Variants in XPC observed in about 807,000 individuals in gnomAD.
The protein encoded by XPC is XPC complex subunit, DNA damage recognition and repair factor.
Under a neutral mutation model 95.8 loss-of-function variants are expected in XPC, and 76 were observed. The observed-to-expected ratio is 0.79, with a 90% CI of 0.66 to 0.96. The LOEUF is 0.96. XPC is among the 40% of genes least tolerant of loss of function. The pLI, the probability that XPC is intolerant of heterozygous loss-of-function variation, is 0.00. For missense variants in XPC, 1,146 were observed against 1,179.8 expected, an observed-to-expected ratio of 0.97 and a Z score of 0.42; for synonymous variants, 442 against 442.1, an observed-to-expected ratio of 1.00 and a Z score of 0.00.
intron 10 of XPC, 130 bp downstream of exon 10, chr3:14,156,205 C>G: frequency 8.4e-7 from 1 of 1,192,100 alleles, no homozygotes; most frequent in Admixed American, 2.5e-5. Context: ...ACACAGCACA[C>G]GCACACTGGC....
intron 9 of XPC, 73 bp downstream of exon 9, chr3:14,157,938 T>A (rs1695985255): frequency 5.3e-6 from 8 of 1,519,834 alleles, no homozygotes; most frequent in Non-Finnish European, 4.4e-6. Flanking sequence ...TGGGCATATA[T>A]AAGGTGCTCA....
In XPC at chr3:14,170,551, C is replaced by G; in HGVS notation, c.300-1G>C. On this transcript the variant is annotated splice_acceptor_variant, in intron 2 of 15. Transcript: ENST00000285021. LOFTEE classifies it high-confidence loss of function. Reference sequence around the variant, plus strand: ...CTTCTTGAGGTCACTTGGAAAGTCCCTGTGTAAAGACCACAGGAAGGAAGA... The same window carrying G: ...CTTCTTGAGGTCACTTGGAAAGTCCGTGTGTAAAGACCACAGGAAGGAAGA... The G allele has an allele frequency of 6.2e-7, 1 of 1,607,774 alleles. No homozygotes were observed. Among genetic ancestry groups the G allele is most frequent in the Non-Finnish European group, 8.5e-7 (1 of 1,176,098 alleles).
chr3:14,158,047 G>A lies in XPC; in HGVS notation c.1836C>T (p.Ser612=), dbSNP rs1244083913. ...WWAETLRPYQ[S]PFMDREKKED... is the part of the protein sequence containing the mutation. Reference sequence around the variant, plus strand: ...CTTTCTTCTCCCTGTCCATAAATGGGCTCTGGTATGGTCTCAAGGTCTCGG... The same window carrying A: ...CTTTCTTCTCCCTGTCCATAAATGGACTCTGGTATGGTCTCAAGGTCTCGG... Residue 612 remains serine (S), a synonymous_variant, in exon 9 of 16, where the codon AGC becomes AGT. Coordinates refer to ENST00000285021, the MANE Select transcript of XPC (RefSeq NM_004628.5). This position sits in a 1 kb window ranked among gnomAD's most constrained non-coding sequence, Gnocchi z 5.2. The A allele has an allele frequency of 5.6e-6, 9 of 1,607,926 alleles. No individual in the cohort carries two copies. The highest frequency in any genetic ancestry group is 3.3e-5 in the Admixed American group (2 of 59,896).
At chr3:14,171,066 C>T (rs554805509) in intron 2 of XPC, among the ~76,000 whole-genome samples, 2 of 152,138 alleles carry the variant, frequency 1.3e-5, no homozygotes, top group Non-Finnish European at 1.5e-5. Context: ...TCATAAATAA[C>T]AAGAGACATA....
chr3:14,165,255 G>A (rs766337332), intron 6 of XPC, among the ~76,000 whole-genome samples, 173 bp downstream of exon 6: 8 of 152,186 alleles, frequency 5.3e-5, no homozygotes, highest in Non-Finnish European at 1.0e-4. Context: ...CAGTCTGGCA[G>A]CTCTACCAGG....
intron 1 of XPC, 31 bp downstream of exon 1, chr3:14,178,435 T>C: frequency 6.3e-7 from 1 of 1,576,000 alleles, no homozygotes; most frequent in Non-Finnish European, 8.6e-7. Flanking sequence ...CGGCGGCGTC[T>C]CCCGCGAAGC....
chr3:14,167,098 T>C (rs1172091454), intron 5 of XPC, 71 bp downstream of exon 5: 3 of 1,377,424 alleles, frequency 2.2e-6, no homozygotes, highest in Non-Finnish European at 2.9e-6. Context: ...AAGCCAGAAA[T>C]AAAGCCTCGG....
intron 4 of XPC, 113 bp downstream of exon 4, chr3:14,168,144 G>A (rs56139315): frequency 2.1e-4 from 286 of 1,386,998 alleles, no homozygotes; most frequent in Non-Finnish European, 2.5e-4. Flanking sequence ...CAAGGTTCTC[G>A]ACCACTTTGA....
chr3:14,152,506 C>A (rs1397320691), intron 10 of XPC, 90 bp from the exon 11 acceptor site: 3 of 1,308,206 alleles, frequency 2.3e-6, no homozygotes, highest in Non-Finnish European at 3.1e-6. Flanking sequence ...CCTGCAGGCT[C>A]CCTCCTCAGG....
chr3:14,148,351 G>C, intron 13 of XPC: 1 of 686,512 alleles, frequency 1.5e-6, no homozygotes, highest in Non-Finnish European at 2.4e-6. Context: ...TTTTAATCCA[G>C]CATTACGATG....
intron 1 of XPC, among the ~76,000 whole-genome samples, chr3:14,175,879 G>T (rs997285619): frequency 3.3e-5 from 5 of 152,154 alleles, no homozygotes; most frequent in African/African-American, 1.2e-4. Flanking sequence ...CCACAACAAA[G>T]GTTGTAACTC....
At chr3:14,165,307 C>A (rs1696331012) in intron 6 of XPC, 121 bp downstream of exon 6, 3 of 1,311,322 alleles carry the variant, frequency 2.3e-6, no homozygotes, top group Non-Finnish European at 3.1e-6. Flanking sequence ...AATGCCATGC[C>A]CACCACCTGA....
At chr3:14,155,651 G>A (rs1402347061) in intron 10 of XPC, among the ~76,000 whole-genome samples, 1 of 151,978 alleles carries the variant, frequency 6.6e-6, no homozygotes, top group Admixed American at 6.6e-5. Context: ...TCCGCCTCCC[G>A]GGTTCACGCC....
intron 7 of XPC, among the ~76,000 whole-genome samples, chr3:14,162,288 A>G (rs1339000066): frequency 3.3e-5 from 5 of 152,240 alleles, no homozygotes; most frequent in African/African-American, 7.2e-5. Flanking sequence ...AAAACAGATC[A>G]TCAAATTCAT....
At chr3:14,157,554 A>G (rs1194959498) in intron 9 of XPC, among the ~76,000 whole-genome samples, 1 of 152,120 alleles carries the variant, frequency 6.6e-6, no homozygotes, top group East Asian at 1.9e-4. Context: ...CCGAGACAGT[A>G]TCATGTCTGT....
intron 10 of XPC, among the ~76,000 whole-genome samples, chr3:14,156,094 CCTA>C (rs1316992811): frequency 6.6e-6 from 1 of 152,102 alleles, no homozygotes; most frequent in African/African-American, 2.4e-5. Context: ...TTTTATTTTT[CCTA>C]CTTTGTATTT....
intron 7 of XPC, among the ~76,000 whole-genome samples, chr3:14,163,950 G>A (rs1248665052): frequency 6.6e-6 from 1 of 152,228 alleles, no homozygotes; most frequent in Non-Finnish European, 1.5e-5. Flanking sequence ...TCGCGAGGCT[G>A]AGGCATGAGA....
chr3:14,168,267 T>C lies in XPC; in HGVS notation c.526A>G (p.Arg176Gly). 1 of 1,611,584 alleles carries C rather than the reference T, an allele frequency of 6.2e-7. No homozygotes were observed. Among genetic ancestry groups the C allele is most frequent in the Non-Finnish European group, 8.5e-7 (1 of 1,179,044 alleles). The part of the protein sequence containing the change: ...EIETPEQAKT[R>G]ERSEKIKLEF... ...AGGGCCTAAGCTTACCTTCTTTCTC[T>C]TGTCTTCGCCTGCTCTGGCGTTTCA... The change falls in exon 4 of 16, where the codon AGA (arginine) becomes GGA (glycine). Residue 176 changes from arginine (R) to glycine (G), a missense_variant. Arg to Gly is a moderately radical substitution (Grantham distance 125, BLOSUM62 -2). Coordinates refer to ENST00000285021, the MANE Select transcript of XPC (RefSeq NM_004628.5).
chr3:14,147,345 A>G lies in XPC; in HGVS notation c.2549T>C (p.Leu850Ser), dbSNP rs1283093056. The change falls in exon 15 of 16, where the codon TTG becomes TCG. Residue 850 changes from leucine (L) to serine (S), a missense_variant. Transcript: ENST00000285021. Reference sequence around the variant, plus strand: ...CCTGATGAGCAGACCTTTGGCCAGCAACTTCCAGTTCCCTAGAGCCCGCTT... The same window carrying G: ...CCTGATGAGCAGACCTTTGGCCAGCGACTTCCAGTTCCCTAGAGCCCGCTT... ...KEKRALGNWK[L>S]LAKGLLIRER... 1 of 1,611,958 alleles carries G rather than the reference A, an allele frequency of 6.2e-7. No individual in the cohort carries two copies. Among genetic ancestry groups the G allele is most frequent in the Non-Finnish European group, 8.5e-7 (1 of 1,179,098 alleles).
Sources: gnomAD v4.1 joint callset for allele counts (sites outside exome capture counted in the v4.1 genomes callset) on GRCh38, gnomAD v4.1.1 for gene constraint, Gnocchi (gnomAD v3.1) non-coding constraint, MANE v1.5 for transcripts, NCBI Gene and HGNC (gene_info 2026-07-23, HGNC 2026-07-21) for gene names.